MEAF6: variants seen among roughly 807,000 people sequenced by gnomAD.
The protein encoded by MEAF6 is MYST/Esa1 associated factor 6.
Under a neutral mutation model 28.9 loss-of-function variants are expected in MEAF6, and 15 were observed. The observed-to-expected ratio is 0.52, with a 90% CI of 0.35 to 0.80. The LOEUF is 0.80. Among genes scored for constraint, MEAF6 ranks in the 30% least tolerant of loss-of-function variants. The probability of loss-of-function intolerance (pLI) is 0.01; values close to 1 mark genes in which losing one functional copy is unlikely to be tolerated. For missense variants in MEAF6, 178 were observed against 237.5 expected (o/e 0.75, Z 1.65); for synonymous variants, 97 against 88.7 (o/e 1.09, Z -0.53).
At chr1:37,514,575 G>A (rs1427867783) in intron 1 of MEAF6, 82 bp downstream of exon 1, 3 of 1,154,226 alleles carry the variant, frequency 2.6e-6, no homozygotes, top group Non-Finnish European at 3.5e-6. Flanking sequence ...GTAACAAACG[G>A]CCTAGCGCGG....
At chr1:37,495,704 C>CAAAAAAAA (rs1217893546) in intron 6 of MEAF6, among the ~76,000 whole-genome samples, 181 bp downstream of exon 6, 1 of 64,488 alleles carries the variant, frequency 1.6e-5, no homozygotes, top group Non-Finnish European at 3.3e-5. Context: ...AAACAAAAAA[C>CAAAAAAAA]AAAAAAAAAA....
chr1:37,510,958 G>C (rs1275796999), intron 2 of MEAF6, among the ~76,000 whole-genome samples: 1 of 152,072 alleles, frequency 6.6e-6, no homozygotes, highest in Non-Finnish European at 1.5e-5. Context: ...AACCTCAGGT[G>C]ATCCACTCGC....
intron 2 of MEAF6, among the ~76,000 whole-genome samples, chr1:37,510,052 C>T (rs1050874256): frequency 7.3e-5 from 11 of 151,294 alleles, no homozygotes; most frequent in Non-Finnish European, 2.9e-5. Flanking sequence ...GCTGGGATTA[C>T]AGGCATGAGC....
rs539682673 is a variant in MEAF6 at position 37,490,749 on chromosome 1, G to A, written c.*3350C>T. 5.3e-5 allele frequency among the ~76,000 whole-genome samples: 8 copies of A among 152,284 alleles called. No homozygotes were observed. The highest frequency in any genetic ancestry group is 8.8e-5 in the Non-Finnish European group (6 of 68,026). ...TTAAGCAATAATGCCTCATTAGGCCGGGTGCAGTGGCTCACGCCTGTAATC... is the reference window on the plus strand; with the variant it reads ...TTAAGCAATAATGCCTCATTAGGCCAGGTGCAGTGGCTCACGCCTGTAATC... On this transcript the variant is annotated 3_prime_UTR_variant, in exon 7 of 7. Coordinates refer to ENST00000296214, the MANE Select transcript of MEAF6 (RefSeq NM_001270875.3).
At chr1:37,496,448 A>C in intron 5 of MEAF6, 1 of 512,698 alleles carries the variant, frequency 2.0e-6, no homozygotes, top group Non-Finnish European at 3.1e-6. Flanking sequence ...AATCAATTTA[A>C]ATATGAGTTA....
intron 4 of MEAF6, among the ~76,000 whole-genome samples, chr1:37,506,784 T>A (rs1642499632): frequency 6.6e-6 from 1 of 152,132 alleles, no homozygotes; most frequent in South Asian, 2.1e-4. Flanking sequence ...GCTCAAGCAA[T>A]CCTCCCATCT....
intron 4 of MEAF6, among the ~76,000 whole-genome samples, chr1:37,507,780 G>A (rs182377023): frequency 6.8e-4 from 103 of 150,782 alleles, no homozygotes; most frequent in Middle Eastern, 3.4e-3. Context: ...AGTCAAAATC[G>A]TGCCACTGCA....
chr1:37,513,572 CT>C (rs1209121363), intron 1 of MEAF6, 34 bp from the exon 2 acceptor site: 5 of 1,488,128 alleles, frequency 3.4e-6, no homozygotes, highest in Non-Finnish European at 4.7e-6. Flanking sequence ...TGAATGATAC[CT>C]TTTAAATGCA....
chr1:37,493,767 T>C lies in MEAF6; in HGVS notation c.*332A>G. On this transcript the variant is annotated 3_prime_UTR_variant, in exon 7 of 7. Coordinates refer to ENST00000296214, the MANE Select transcript of MEAF6 (RefSeq NM_001270875.3). ...AAACCAGAGAACATTTCTTGAAGGG[T>C]ATCACAGATGAAGCTGGTGCCAGCC... 6.5e-7 allele frequency: 1 copy of C among 1,549,360 alleles called. No homozygotes were observed. Among genetic ancestry groups the C allele is most frequent in the Non-Finnish European group, 8.7e-7 (1 of 1,145,828 alleles).
chr1:37,504,427 T>G, intron 4 of MEAF6, among the ~76,000 whole-genome samples: 1 of 152,178 alleles, frequency 6.6e-6, no homozygotes, highest in East Asian at 1.9e-4. Flanking sequence ...TAGGTAAGGA[T>G]GAGTGAGGGA....
At chr1:37,503,394 C>T (rs148935708) in intron 4 of MEAF6, among the ~76,000 whole-genome samples, 2,243 of 152,234 alleles carry the variant, frequency 0.015, 29 homozygotes, top group South Asian at 0.06. Flanking sequence ...CTCATGCCTG[C>T]AATCCCAGTG....
chr1:37,495,234 A>G (rs930423343), intron 6 of MEAF6, among the ~76,000 whole-genome samples: 3 of 151,268 alleles, frequency 2.0e-5, no homozygotes, highest in African/African-American at 7.3e-5. Context: ...AGGAGGCTGA[A>G]GCAGGAGAAT....
At position 37,514,750 on chromosome 1, in the gene MEAF6, G is replaced by T. The variant is rs749312400; in HGVS notation, c.-4C>A. ...CCGCCTTGTTGTGCATCGCCATGTT[G>T]GGCTGAGGCGGGCGGCGGCGGCGCG... On this transcript the variant is annotated 5_prime_UTR_variant, in exon 1 of 7. Coordinates refer to ENST00000296214, the MANE Select transcript of MEAF6 (RefSeq NM_001270875.3). The T allele has an allele frequency of 6.1e-6, 9 of 1,471,538 alleles. No homozygotes were observed. In the South Asian group the frequency reaches 1.2e-4, roughly 19 times the overall value. 91.2% of individuals were successfully genotyped at this position (1,471,538 alleles called of 1,614,324 possible). A position where few individuals can be genotyped will look rare whatever the true frequency, so the allele number is the denominator to read the frequency against.
chr1:37,502,546 G>C (rs1642346147), intron 4 of MEAF6, among the ~76,000 whole-genome samples: 1 of 120,796 alleles, frequency 8.3e-6, no homozygotes, highest in Admixed American at 9.4e-5. Flanking sequence ...GTTTTCCATT[G>C]TTTTTTCTTG....
chr1:37,512,019 G>A (rs1441195435), intron 2 of MEAF6, among the ~76,000 whole-genome samples: 1 of 152,144 alleles, frequency 6.6e-6, no homozygotes, highest in African/African-American at 2.4e-5. Context: ...GGTAATTACT[G>A]ACACATTTAG....
intron 2 of MEAF6, 119 bp from the exon 3 acceptor site, chr1:37,509,661 G>C: frequency 2.5e-6 from 2 of 793,978 alleles, no homozygotes; most frequent in Non-Finnish European, 4.1e-6. Context: ...TGGCCCAAAC[G>C]ACCTTTATGC....
At chr1:37,511,638 A>G (rs546827716) in intron 2 of MEAF6, among the ~76,000 whole-genome samples, 3 of 152,354 alleles carry the variant, frequency 2.0e-5, no homozygotes, top group Admixed American at 1.3e-4. Context: ...CTAGAGATAG[A>G]TAACAAAGGA....
Position 37,507,811 on chromosome 1 carries a change from C to T in MEAF6, c.340+1467G>A, listed in dbSNP as rs186108879. Among the ~76,000 whole-genome samples, 1,268 of 146,396 alleles carry T rather than the reference C, an allele frequency of 8.7e-3. 30 individuals carry two copies. Among genetic ancestry groups the T allele is most frequent in the African/African-American group, 0.031 (1,214 of 39,352 alleles). On this transcript the variant is annotated intron_variant, in intron 4 of 6. Coordinates refer to ENST00000296214, the MANE Select transcript of MEAF6 (RefSeq NM_001270875.3). Reference sequence around the variant, plus strand: ...CTGCACTCCAGCCTAGGCAACAGAGCGAGACTCCGTCTTAAAAAAAAAAAA... The same window carrying T: ...CTGCACTCCAGCCTAGGCAACAGAGTGAGACTCCGTCTTAAAAAAAAAAAA...
intron 4 of MEAF6, among the ~76,000 whole-genome samples, chr1:37,505,990 T>C (rs1420068769): frequency 2.0e-5 from 3 of 152,146 alleles, no homozygotes; most frequent in Non-Finnish European, 4.4e-5. Context: ...CTTAGATGCC[T>C]GGCCGGGCGC....
Sources: gnomAD v4.1 joint callset for allele counts (sites outside exome capture counted in the v4.1 genomes callset) on GRCh38, gnomAD v4.1.1 for gene constraint, MANE v1.5 for transcripts, NCBI Gene and HGNC (gene_info 2026-07-23, HGNC 2026-07-21) for gene names.